CCDC91: variants seen among roughly 807,000 people sequenced by gnomAD.
CCDC91 encodes coiled-coil domain-containing protein 91.
In CCDC91, 48 loss-of-function variants were observed where a neutral mutation model predicts 63.2. The observed-to-expected ratio is 0.76, with a 90% CI of 0.60 to 0.97. CCDC91 has a LOEUF of 0.97. CCDC91 is among the 50% of genes least tolerant of loss of function. The pLI, the probability that CCDC91 is intolerant of heterozygous loss-of-function variation, is 0.00. For missense variants in CCDC91, 500 were observed against 494.6 expected (o/e 1.01, Z -0.10); for synonymous variants, 167 against 165.8 (o/e 1.01, Z -0.06).
At chr12:28,273,356 G>T (rs1947925527) in intron 3 of CCDC91, among the ~76,000 whole-genome samples, 1 of 152,166 alleles carries the variant, frequency 6.6e-6, no homozygotes, top group South Asian at 2.1e-4. Flanking sequence ...TATATACCCA[G>T]TAATGGGATT....
chr12:28,544,721 G>A (rs1319750994), intron 12 of CCDC91, among the ~76,000 whole-genome samples: 1 of 152,026 alleles, frequency 6.6e-6, no homozygotes, highest in African/African-American at 2.4e-5. Context: ...TAAGCCAGAT[G>A]TGTTTGTAAT....
At chr12:28,455,273 T>G (rs1950003678) in intron 11 of CCDC91, among the ~76,000 whole-genome samples, 2 of 152,136 alleles carry the variant, frequency 1.3e-5, no homozygotes, top group South Asian at 4.1e-4. Context: ...ATTAGTTTCC[T>G]AGGAAAAGCC....
intron 3 of CCDC91, among the ~76,000 whole-genome samples, chr12:28,265,856 A>G (rs1228286142): frequency 6.6e-6 from 1 of 152,088 alleles, no homozygotes; most frequent in Admixed American, 6.6e-5. Flanking sequence ...GGTAGGCAGT[A>G]TAGGTAATGC....
intron 11 of CCDC91, among the ~76,000 whole-genome samples, chr12:28,462,530 A>G (rs1404791521): frequency 1.3e-5 from 2 of 152,088 alleles, no homozygotes; most frequent in South Asian, 2.1e-4. Flanking sequence ...GTGTGTACCC[A>G]TAGAATAAGT....
chr12:28,509,088 T>C (rs1939076867), intron 12 of CCDC91, among the ~76,000 whole-genome samples: 1 of 151,938 alleles, frequency 6.6e-6, no homozygotes, highest in Non-Finnish European at 1.5e-5. Flanking sequence ...TAATGTGGAC[T>C]GCTTTCTGTA....
chr12:28,298,538 A>G (rs1434710821), intron 3 of CCDC91, among the ~76,000 whole-genome samples: 1 of 151,254 alleles, frequency 6.6e-6, no homozygotes, highest in Non-Finnish European at 1.5e-5. Flanking sequence ...CTTTAGAAGT[A>G]TATTTTTAAG....
At chr12:28,321,601 A>G (rs1211709818) in intron 6 of CCDC91, among the ~76,000 whole-genome samples, 1 of 151,774 alleles carries the variant, frequency 6.6e-6, no homozygotes, top group African/African-American at 2.4e-5. Context: ...GTACACTTAT[A>G]ATAATAATAG....
intron 7 of CCDC91, among the ~76,000 whole-genome samples, chr12:28,385,243 A>T (rs1945530752): frequency 6.6e-6 from 1 of 152,086 alleles, no homozygotes; most frequent in Non-Finnish European, 1.5e-5. Context: ...ATTATTTTGT[A>T]TATACTATTA....
chr12:28,215,039 A>G (rs1286698066), intron 1 of CCDC91, among the ~76,000 whole-genome samples: 1 of 152,214 alleles, frequency 6.6e-6, no homozygotes, highest in African/African-American at 2.4e-5. Context: ...CCTCCTTAAT[A>G]TGGGTAGCCC....
intron 11 of CCDC91, among the ~76,000 whole-genome samples, chr12:28,482,612 A>G (rs996217536): frequency 1.3e-5 from 2 of 152,076 alleles, no homozygotes; most frequent in East Asian, 3.9e-4. Context: ...ATGAGATGTC[A>G]TTCTCCCCAA....
At chr12:28,192,070 C>T (rs1281376876) in intron 1 of CCDC91, among the ~76,000 whole-genome samples, 1 of 152,182 alleles carries the variant, frequency 6.6e-6, no homozygotes, top group Non-Finnish European at 1.5e-5. Context: ...TGGAGTGATC[C>T]ACTCAAAACT....
chr12:28,303,933 A>T (rs1938362695), intron 3 of CCDC91, among the ~76,000 whole-genome samples: 1 of 152,096 alleles, frequency 6.6e-6, no homozygotes, highest in Non-Finnish European at 1.5e-5. Flanking sequence ...TATGATACAG[A>T]ATTAGAAGTG....
chr12:28,324,534 A>G (rs369035949), intron 6 of CCDC91, among the ~76,000 whole-genome samples: 21 of 152,010 alleles, frequency 1.4e-4, no homozygotes, highest in South Asian at 8.3e-4. Flanking sequence ...CTCGAATCCA[A>G]TATTCATGCT....
At chr12:28,519,328 A>G (rs958314008) in intron 12 of CCDC91, among the ~76,000 whole-genome samples, 7 of 129,648 alleles carry the variant, frequency 5.4e-5, no homozygotes, top group African/African-American at 1.6e-4. Context: ...GTTTGCAGCT[A>G]TTATAAAAGG....
chr12:28,387,753 TA>T (rs1302688588), intron 7 of CCDC91, among the ~76,000 whole-genome samples: 2 of 152,208 alleles, frequency 1.3e-5, no homozygotes, highest in Non-Finnish European at 2.9e-5. Context: ...TATTCCATCA[TA>T]TATTTATACC....
At position 28,213,174 on chromosome 12, in the gene CCDC91, G is replaced by A. The variant is rs1006429765; in HGVS notation, c.-15+22533G>A. Among the ~76,000 whole-genome samples the A allele has an allele frequency of 2.0e-5, 3 of 152,234 alleles. No homozygotes were observed. In the East Asian group the frequency reaches 5.8e-4, roughly 29 times the overall value. On this transcript the variant is annotated intron_variant, in intron 1 of 12. Coordinates refer to ENST00000536442, the MANE Select transcript of CCDC91 (RefSeq NM_018318.5). ...CCCTCTGCCCCTCCTTTCCCCCCAG[G>A]GGAATTAATTCTGCATTGCCCAAGC... is the stretch of plus-strand genomic sequence containing the variant.
At chr12:28,381,756 C>G (rs1183229919) in intron 7 of CCDC91, among the ~76,000 whole-genome samples, 1 of 152,104 alleles carries the variant, frequency 6.6e-6, no homozygotes, top group African/African-American at 2.4e-5. Context: ...GTTGTTAAAT[C>G]AGCAAGCACT....
At chr12:28,191,036 T>C (rs1200425537) in intron 1 of CCDC91, among the ~76,000 whole-genome samples, 2 of 152,224 alleles carry the variant, frequency 1.3e-5, no homozygotes, top group Admixed American at 6.5e-5. Context: ...CCCTTTTACT[T>C]TGCCAAGTAC....
At position 28,402,552 on chromosome 12, in the gene CCDC91, CTT is replaced by C. The variant is rs1385573919; in HGVS notation, c.762+11143_762+11144del. Among the ~76,000 whole-genome samples the C allele has an allele frequency of 5.9e-3, 197 of 33,220 alleles. 2 individuals are homozygous for C. The highest frequency in any genetic ancestry group is 0.02 in the African/African-American group (187 of 9,276). The allele number at this position is 33,220 out of a possible 152,430, so 21.8% of individuals were successfully genotyped here. A position where few individuals can be genotyped will look rare whatever the true frequency, so the allele number is the denominator to read the frequency against. ...TTTTTTTTTTTTTTTTTTGTCTACT[CTT>C]TGGATTTTCTACACAGACAATCATG... On this transcript the variant is annotated intron_variant, in intron 8 of 12. Transcript: ENST00000536442.
Sources: allele counts gnomAD v4.1 joint callset (sites outside exome capture counted in the v4.1 genomes callset), GRCh38; gene constraint gnomAD v4.1.1; transcripts MANE v1.5; gene names NCBI Gene and HGNC (gene_info 2026-07-23, HGNC 2026-07-21).